Variants in CAMK4 observed in about 807,000 individuals in gnomAD.
CAMK4 encodes the protein calcium/calmodulin dependent protein kinase IV, also known as calcium/calmodulin-dependent protein kinase type IV.
A neutral mutation model predicts 44.9 loss-of-function variants in CAMK4; 22 were observed. The ratio of observed to expected loss-of-function variants is 0.49; its 90% CI spans 0.35 to 0.70. The LOEUF (loss-of-function observed/expected upper bound fraction) is 0.70. CAMK4 is among the 30% of genes least tolerant of loss of function. The pLI, the probability that CAMK4 is intolerant of heterozygous loss-of-function variation, is 0.01. For missense variants in CAMK4, 498 were observed against 586.8 expected, an observed-to-expected ratio of 0.85 and a Z score of 1.56; for synonymous variants, 218 against 215.4, an observed-to-expected ratio of 1.01 and a Z score of -0.11.
At chr5:111,249,666 A>ATGTGTG (rs3066628) in intron 1 of CAMK4, among the ~76,000 whole-genome samples, 65 of 140,732 alleles carry the variant, frequency 4.6e-4, no homozygotes, top group East Asian at 2.9e-3. Context: ...GTGTATATAT[A>ATGTGTG]TGTGTGTGTG....
At chr5:111,420,944 T>G (rs1201756408) in intron 5 of CAMK4, among the ~76,000 whole-genome samples, 1 of 152,106 alleles carries the variant, frequency 6.6e-6, no homozygotes, top group Admixed American at 6.5e-5. Context: ...TGAGGCAACA[T>G]ACATCCTCCT....
chr5:111,463,875 T>C (rs575006703), intron 7 of CAMK4, among the ~76,000 whole-genome samples: 89 of 152,180 alleles, frequency 5.8e-4, no homozygotes, highest in African/African-American at 2.0e-3. Context: ...CCCTCTGACA[T>C]AGTCCACCCA....
chr5:111,255,675 G>A (rs1293775118), intron 1 of CAMK4, among the ~76,000 whole-genome samples: 1 of 152,130 alleles, frequency 6.6e-6, no homozygotes, highest in Non-Finnish European at 1.5e-5. Context: ...TTGCATACCC[G>A]AAGCCCCAGA....
chr5:111,415,341 A>C (rs1219638935), intron 5 of CAMK4, among the ~76,000 whole-genome samples: 1 of 152,222 alleles, frequency 6.6e-6, no homozygotes, highest in Admixed American at 6.5e-5. Flanking sequence ...CAACTGTGGC[A>C]GTATGGCAGT....
At chr5:111,237,453 A>C (rs769644572) in intron 1 of CAMK4, among the ~76,000 whole-genome samples, 1 of 152,240 alleles carries the variant, frequency 6.6e-6, no homozygotes, top group Non-Finnish European at 1.5e-5. Context: ...CTAAGCCTGA[A>C]AGGCTTTCTA....
At chr5:111,396,380 C>A (rs1487460951) in intron 5 of CAMK4, among the ~76,000 whole-genome samples, 1 of 152,050 alleles carries the variant, frequency 6.6e-6, no homozygotes, top group African/African-American at 2.4e-5. Flanking sequence ...TCTCACTGTA[C>A]CCAAATAGCC....
chr5:111,473,100 T>C (rs1755118812), intron 7 of CAMK4, among the ~76,000 whole-genome samples: 1 of 100,436 alleles, frequency 1.0e-5, no homozygotes, highest in Non-Finnish European at 2.2e-5. Flanking sequence ...AATAGTGTTA[T>C]TTTATGCATC....
intron 5 of CAMK4, among the ~76,000 whole-genome samples, chr5:111,423,937 A>G (rs886819743): frequency 2.0e-5 from 3 of 152,210 alleles, no homozygotes; most frequent in African/African-American, 7.2e-5. Context: ...CATTATACAG[A>G]TTCATTTTAC....
At position 111,486,611 on chromosome 5, in the gene CAMK4, T is replaced by A. The variant is rs1364165408; in HGVS notation, c.*2145T>A. The A allele has an allele frequency of 6.6e-6, 1 of 151,540 alleles. No homozygotes were observed. The highest frequency in any genetic ancestry group is 1.5e-5 in the Non-Finnish European group (1 of 68,072). The allele number at this position is 151,540 out of a possible 1,614,324, so 9.4% of individuals were successfully genotyped here. Reference sequence around the variant, plus strand: ...TGGCACTTGGCGCTTAGCTGAAAGATCAGAACACATCATTCCTCCCTGCCC... The same window carrying A: ...TGGCACTTGGCGCTTAGCTGAAAGAACAGAACACATCATTCCTCCCTGCCC... On this transcript the variant is annotated 3_prime_UTR_variant, in exon 11 of 11. Coordinates refer to ENST00000282356, the MANE Select transcript of CAMK4 (RefSeq NM_001744.6).
intron 5 of CAMK4, among the ~76,000 whole-genome samples, chr5:111,409,492 C>G (rs932587039): frequency 1.3e-5 from 2 of 152,212 alleles, no homozygotes; most frequent in African/African-American, 4.8e-5. Flanking sequence ...GGCCTCCAGG[C>G]CTGTGATGGG....
intron 1 of CAMK4, among the ~76,000 whole-genome samples, chr5:111,317,930 G>GAAAAAAAAAAAAAAAAAAA (rs1748501495): frequency 1.4e-5 from 1 of 71,670 alleles, no homozygotes; most frequent in Admixed American, 1.5e-4. Context: ...AAAAAAAAAG[G>GAAAAAAAAAAAAAAAAAAA]AAAACAGGAT....
At chr5:111,387,727 T>C (rs981357946) in intron 4 of CAMK4, among the ~76,000 whole-genome samples, 1 of 152,182 alleles carries the variant, frequency 6.6e-6, no homozygotes, top group East Asian at 1.9e-4. Flanking sequence ...AATATTTACT[T>C]ACTATGGGCA....
chr5:111,487,605 C>T lies in CAMK4; in HGVS notation c.*3139C>T, dbSNP rs188447575. 100 of 152,054 alleles carry T rather than the reference C, an allele frequency of 6.6e-4. No homozygotes were observed. Among genetic ancestry groups the T allele is most frequent in the Admixed American group, 1.6e-3 (25 of 15,264 alleles). The allele number at this position is 152,054 out of a possible 1,614,324, so 9.4% of individuals were successfully genotyped here. A position where few individuals can be genotyped will look rare whatever the true frequency, so the allele number is the denominator to read the frequency against. ...ATCCAATTCATCCAAATTATTCTAT[C>T]GATATATAGTCAATATTAAAATTTA... is the stretch of plus-strand genomic sequence containing the variant. On this transcript the variant is annotated 3_prime_UTR_variant, in exon 11 of 11. Transcript: ENST00000282356.
intron 1 of CAMK4, among the ~76,000 whole-genome samples, chr5:111,236,923 A>G (rs1374291420): frequency 6.6e-6 from 1 of 152,184 alleles, no homozygotes; most frequent in African/African-American, 2.4e-5. Flanking sequence ...TGTCAGAGGA[A>G]TTAGGCAAAT....
At chr5:111,334,932 C>G (rs1749334431) in intron 1 of CAMK4, among the ~76,000 whole-genome samples, 1 of 151,300 alleles carries the variant, frequency 6.6e-6, no homozygotes, top group African/African-American at 2.4e-5. Flanking sequence ...GATTTCATCT[C>G]AAGATACCTC....
intron 7 of CAMK4, among the ~76,000 whole-genome samples, chr5:111,458,678 A>G (rs553152906): frequency 4.6e-5 from 7 of 152,204 alleles, no homozygotes; most frequent in Non-Finnish European, 8.8e-5. Context: ...GTTACAGTTT[A>G]AACAAGGTAA....
At chr5:111,224,219 GA>G, upstream of CAMK4, 1 of 325,116 alleles carries the variant, frequency 3.1e-6, no homozygotes, top group Non-Finnish European at 5.5e-6. This position sits in a 1 kb window ranked among gnomAD's most constrained non-coding sequence, Gnocchi z 5.7. Flanking sequence ...GAGCGAGGGG[GA>G]GGGAGCCTCT....
chr5:111,399,240 G>A (rs1479571542), intron 5 of CAMK4, among the ~76,000 whole-genome samples: 1 of 152,118 alleles, frequency 6.6e-6, no homozygotes, highest in African/African-American at 2.4e-5. Context: ...CCATCTCAGA[G>A]TAGTTGTCAT....
At chr5:111,353,550 G>T (rs184642587) in intron 2 of CAMK4, among the ~76,000 whole-genome samples, 1 of 152,026 alleles carries the variant, frequency 6.6e-6, no homozygotes, top group South Asian at 2.1e-4. Context: ...AGAATTCTTG[G>T]TAGAAGTAAA....
Sources: allele counts gnomAD v4.1 joint callset (sites outside exome capture counted in the v4.1 genomes callset), GRCh38; gene constraint gnomAD v4.1.1; non-coding constraint Gnocchi (gnomAD v3.1); transcripts MANE v1.5; gene names NCBI Gene and HGNC (gene_info 2026-07-23, HGNC 2026-07-21).